The following MATN2 variants were observed in gnomAD, a reference collection of about 807,000 sequenced individuals.
MATN2 encodes the protein matrilin 2.
MATN2 carries 69 observed loss-of-function variants against 103.2 expected under a neutral mutation model. That is an observed-to-expected ratio of 0.67 (90% CI 0.55 to 0.82). The LOEUF (loss-of-function observed/expected upper bound fraction) is 0.82. MATN2 is among the 40% of genes least tolerant of loss of function. The pLI, the probability that MATN2 is intolerant of heterozygous loss-of-function variation, is 0.00. For missense variants in MATN2, 1,023 were observed against 1,211.5 expected (o/e 0.84, Z 2.31); for synonymous variants, 429 against 450.2 (o/e 0.95, Z 0.60).
chr8:98,000,546 G>A (rs1175855077), intron 7 of MATN2, among the ~76,000 whole-genome samples: 4 of 140,912 alleles, frequency 2.8e-5, no homozygotes, highest in Non-Finnish European at 3.0e-5. Flanking sequence ...GCAGTGAGCC[G>A]AGATCACGCC....
At chr8:98,006,239 G>A (rs1289187005) in intron 8 of MATN2, among the ~76,000 whole-genome samples, 1 of 152,096 alleles carries the variant, frequency 6.6e-6, no homozygotes, top group Non-Finnish European at 1.5e-5. Context: ...CCTGATAATG[G>A]GGGTAAAAAA....
intron 5 of MATN2, among the ~76,000 whole-genome samples, chr8:97,965,688 T>G (rs1412044918): frequency 2.0e-5 from 3 of 151,702 alleles, no homozygotes; most frequent in Non-Finnish European, 4.4e-5. Flanking sequence ...ATAAAAAAAT[T>G]AGTTGGACAT....
chr8:97,874,112 G>A (rs1817986970), intron 1 of MATN2, among the ~76,000 whole-genome samples: 1 of 152,138 alleles, frequency 6.6e-6, no homozygotes, highest in Non-Finnish European at 1.5e-5. Context: ...ATTCCCAGAC[G>A]GTGTCTGTAC....
At chr8:97,910,234 G>A (rs1366080337) in intron 2 of MATN2, among the ~76,000 whole-genome samples, 1 of 151,654 alleles carries the variant, frequency 6.6e-6, no homozygotes, top group Admixed American at 6.6e-5. Flanking sequence ...GCTAATTTTT[G>A]TATTTTTTGG....
chr8:97,877,504 A>G (rs1490256520), intron 1 of MATN2, among the ~76,000 whole-genome samples: 1 of 147,788 alleles, frequency 6.8e-6, no homozygotes, highest in Admixed American at 6.7e-5. Flanking sequence ...TTTTTTTTGT[A>G]GAGATGAAGT....
intron 6 of MATN2, among the ~76,000 whole-genome samples, chr8:97,988,193 C>T (rs1189823450): frequency 9.6e-6 from 1 of 103,710 alleles, no homozygotes; most frequent in Non-Finnish European, 1.9e-5. Flanking sequence ...TATATATACA[C>T]ACACACACAT....
Position 97,930,984 on chromosome 8 carries a change from G to T in MATN2, c.174G>T (p.Leu58=), listed in dbSNP as rs1272811664. The T allele has an allele frequency of 6.2e-7, 1 of 1,612,830 alleles. No homozygotes were observed. Among genetic ancestry groups the T allele is most frequent in the East Asian group, 2.2e-5 (1 of 44,860 alleles). The change falls in exon 3 of 19, where the codon CTG becomes CTT. Residue 58 remains leucine (L), a synonymous_variant. Coordinates refer to ENST00000254898, the MANE Select transcript of MATN2 (RefSeq NM_002380.5). ...CCTGTGAGAACAAGCGGGCAGACCT[G>T]GTTTTCATCATTGACAGCTCTCGCA... ...ESSCENKRAD[L]VFIIDSSRSV... is the part of the protein sequence containing the mutation.
chr8:98,030,612 A>G lies in MATN2; in HGVS notation c.2507A>G (p.Glu836Gly). 6.2e-7 allele frequency: 1 copy of G among 1,613,720 alleles called. No individual in the cohort carries two copies. Among genetic ancestry groups the G allele is most frequent in the Non-Finnish European group, 8.5e-7 (1 of 1,179,788 alleles). Residue 836 changes from glutamate to glycine, a missense_variant and splice_region_variant, in exon 15 of 19, where the codon GAA becomes GGA. Transcript: ENST00000254898. ...ISEKLKKGIC[E>G]ALEDSDGRQD... ...GAAAAACTCAAGAAAGGCATCTGTG[A>G]AGGTACTATAGCTTACGCCGAAGAC...
At chr8:97,884,402 G>A (rs373050730) in intron 1 of MATN2, among the ~76,000 whole-genome samples, 1 of 152,070 alleles carries the variant, frequency 6.6e-6, no homozygotes, top group African/African-American at 2.4e-5. Flanking sequence ...AGCCTCCAAA[G>A]TGCTGGGATT....
At chr8:97,953,742 A>G (rs145627359) in intron 4 of MATN2, among the ~76,000 whole-genome samples, 3,154 of 150,822 alleles carry the variant, frequency 0.021, 124 homozygotes, top group African/African-American at 0.073. Flanking sequence ...GTGAGCCAAG[A>G]TAGCGCCATT....
At chr8:97,889,517 C>T (rs541225354) in intron 2 of MATN2, among the ~76,000 whole-genome samples, 3 of 137,996 alleles carry the variant, frequency 2.2e-5, no homozygotes, top group Non-Finnish European at 3.1e-5. Flanking sequence ...AATCTTGGCT[C>T]ATTGCAACCT....
intron 4 of MATN2, among the ~76,000 whole-genome samples, chr8:97,949,506 C>A (rs1241468759): frequency 6.6e-6 from 1 of 152,058 alleles, no homozygotes; most frequent in Non-Finnish European, 1.5e-5. Context: ...TTGACTATAC[C>A]ATGTGTTCGC....
intron 2 of MATN2, among the ~76,000 whole-genome samples, chr8:97,906,287 A>C (rs1819168525): frequency 6.6e-6 from 1 of 152,214 alleles, no homozygotes; most frequent in South Asian, 2.1e-4. Context: ...AGAAGGAGTC[A>C]TGGGCTTCTC....
Position 97,874,448 on chromosome 8 carries a change from C to T in MATN2, c.-27+5161C>T, listed in dbSNP as rs558410379. Among the ~76,000 whole-genome samples the T allele has an allele frequency of 1.3e-4, 19 of 151,242 alleles. No individual in the cohort carries two copies. In the East Asian group the frequency reaches 1.5e-3, roughly 12 times the overall value. On this transcript the variant is annotated intron_variant, in intron 1 of 18. Coordinates refer to ENST00000254898, the MANE Select transcript of MATN2 (RefSeq NM_002380.5). ...TGAGACAAGGTTTTGCTCTGTCGCC[C>T]GGGCTATCATGCAGTGGTGCGATCA...
intron 2 of MATN2, among the ~76,000 whole-genome samples, chr8:97,890,410 A>C (rs1818587992): frequency 6.6e-6 from 1 of 151,006 alleles, no homozygotes; most frequent in African/African-American, 2.4e-5. Context: ...GGTTGCAGTG[A>C]GCTAAGATCG....
At chr8:98,000,883 T>C (rs562457051) in intron 7 of MATN2, among the ~76,000 whole-genome samples, 41 of 152,290 alleles carry the variant, frequency 2.7e-4, no homozygotes, top group African/African-American at 9.4e-4. Context: ...TTGTGATGAA[T>C]GCTACGAAAG....
rs373385394 is a variant in MATN2 at position 98,035,734 on chromosome 8, T to C, written c.*22T>C. On this transcript the variant is annotated 3_prime_UTR_variant, in exon 19 of 19. Transcript: ENST00000254898. Reference sequence around the variant, plus strand: ...ATGAAGATTAGAAATCGCGACACATTTGTAGTCATTGTATCACGGATTACA... The same window carrying C: ...ATGAAGATTAGAAATCGCGACACATCTGTAGTCATTGTATCACGGATTACA... 1 of 1,543,026 alleles carries C rather than the reference T, an allele frequency of 6.5e-7. No individual in the cohort carries two copies. Among genetic ancestry groups the C allele is most frequent in the Non-Finnish European group, 8.9e-7 (1 of 1,124,234 alleles).
intron 6 of MATN2, among the ~76,000 whole-genome samples, chr8:97,991,333 A>C (rs550943890): frequency 7.2e-5 from 11 of 152,196 alleles, no homozygotes; most frequent in Non-Finnish European, 1.3e-4. Flanking sequence ...AGCTCACTGC[A>C]ATCACCAACT....
At chr8:98,000,888 CGAAA>C (rs1319168733) in intron 7 of MATN2, among the ~76,000 whole-genome samples, 1 of 152,032 alleles carries the variant, frequency 6.6e-6, no homozygotes, top group Non-Finnish European at 1.5e-5. Context: ...ATGAATGCTA[CGAAA>C]GAGAGGTCCT....
Sources: gnomAD v4.1 joint callset for allele counts (sites outside exome capture counted in the v4.1 genomes callset) on GRCh38, gnomAD v4.1.1 for gene constraint, MANE v1.5 for transcripts, NCBI Gene and HGNC (gene_info 2026-07-23, HGNC 2026-07-21) for gene names.